The following BMPR1B variants were observed in gnomAD, a reference collection of about 807,000 sequenced individuals.
BMPR1B encodes bone morphogenetic protein receptor type 1B, also known as bone morphogenetic protein receptor type-1B.
A neutral mutation model predicts 59.1 loss-of-function variants in BMPR1B; 12 were observed. The ratio of observed to expected loss-of-function variants is 0.20; its 90% CI spans 0.13 to 0.33. The LOEUF (loss-of-function observed/expected upper bound fraction) is 0.33. BMPR1B is among the 10% of genes least tolerant of loss of function. The pLI, the probability that BMPR1B is intolerant of heterozygous loss-of-function variation, is 1.00. For missense variants in BMPR1B, 550 were observed against 610.9 expected (o/e 0.90, Z 1.05); for synonymous variants, 237 against 207.3 (o/e 1.14, Z -1.23).
At chr4:95,119,931 C>T (rs528984421) in intron 6 of BMPR1B, among the ~76,000 whole-genome samples, 1 of 152,068 alleles carries the variant, frequency 6.6e-6, no homozygotes, top group South Asian at 2.1e-4. Flanking sequence ...TTCATTTGTA[C>T]TTACAAGGGG....
At chr4:95,152,313 A>G (rs1228062696) in intron 11 of BMPR1B, among the ~76,000 whole-genome samples, 2 of 152,198 alleles carry the variant, frequency 1.3e-5, no homozygotes, top group African/African-American at 4.8e-5. Flanking sequence ...GCAGATTTGC[A>G]TTGAGATTTA....
At chr4:94,841,698 A>G (rs6851643) in intron 1 of BMPR1B, among the ~76,000 whole-genome samples, 95,793 of 151,936 alleles carry the variant, frequency 0.63, 31,661 homozygotes, top group African/African-American at 0.84. Context: ...CTCAGATGGA[A>G]ATGCAGAAAT....
chr4:94,861,376 A>C (rs920742526), intron 1 of BMPR1B, among the ~76,000 whole-genome samples: 1 of 152,228 alleles, frequency 6.6e-6, no homozygotes, highest in African/African-American at 2.4e-5. Context: ...AAGGCTGATT[A>C]GAATTTGCTA....
chr4:95,150,834 C>T (rs1734987276), intron 11 of BMPR1B, among the ~76,000 whole-genome samples: 1 of 152,050 alleles, frequency 6.6e-6, no homozygotes, highest in Non-Finnish European at 1.5e-5. Flanking sequence ...GGGCAAGTTA[C>T]TTAACCCCTG....
rs114942862 is a variant in BMPR1B, at chr4:95,103,437, T to C, written c.-17-971T>C. ...AATGTGTTATGAGAGAGATTTTAAATTGAAAACTGCTCACGGTGACAATTT... is the reference window on the plus strand; with the variant it reads ...AATGTGTTATGAGAGAGATTTTAAACTGAAAACTGCTCACGGTGACAATTT... On this transcript the variant is annotated intron_variant, in intron 3 of 12. Coordinates refer to ENST00000515059, the MANE Select transcript of BMPR1B (RefSeq NM_001203.3). 3,783 of 985,162 alleles carry C rather than the reference T, an allele frequency of 3.8e-3. 15 individuals are homozygous for C. The highest frequency in any genetic ancestry group is 4.4e-3 in the Non-Finnish European group (3,619 of 829,720). 61.0% of individuals were successfully genotyped at this position (985,162 alleles called of 1,614,324 possible).
intron 1 of BMPR1B, among the ~76,000 whole-genome samples, chr4:94,829,222 C>G (rs1195030441): frequency 6.6e-6 from 1 of 151,710 alleles, no homozygotes; most frequent in African/African-American, 2.4e-5. Context: ...GGGAGGCGTG[C>G]TTTTATCCTT....
chr4:95,006,474 G>A (rs927718849), intron 3 of BMPR1B, among the ~76,000 whole-genome samples: 4 of 149,860 alleles, frequency 2.7e-5, no homozygotes, highest in Admixed American at 2.7e-4. Flanking sequence ...GTTCAGGAAG[G>A]TTAAATGACA....
At chr4:94,835,784 G>C (rs1724784686) in intron 1 of BMPR1B, among the ~76,000 whole-genome samples, 1 of 152,000 alleles carries the variant, frequency 6.6e-6, no homozygotes, top group South Asian at 2.1e-4. Flanking sequence ...TATACTTTAA[G>C]TTTTAGGGTA....
intron 9 of BMPR1B, among the ~76,000 whole-genome samples, chr4:95,130,727 T>C (rs1432844745): frequency 2.2e-5 from 2 of 91,736 alleles, no homozygotes; most frequent in Non-Finnish European, 2.6e-5. Context: ...TCTTTTCTTT[T>C]TTTTTTTTTT....
chr4:95,132,107 C>T (rs997913010), intron 10 of BMPR1B, among the ~76,000 whole-genome samples: 1 of 152,114 alleles, frequency 6.6e-6, no homozygotes, highest in Non-Finnish European at 1.5e-5. Flanking sequence ...AGTTGGGACT[C>T]TATTTTGCTT....
At chr4:94,823,983 C>T (rs1232077245) in intron 1 of BMPR1B, among the ~76,000 whole-genome samples, 18 of 152,018 alleles carry the variant, frequency 1.2e-4, no homozygotes, top group Admixed American at 4.6e-4. Context: ...CCTGACCTTG[C>T]GATCCACCCG....
intron 1 of BMPR1B, among the ~76,000 whole-genome samples, chr4:94,791,654 C>G (rs1279915480): frequency 6.6e-6 from 1 of 152,068 alleles, no homozygotes; most frequent in Non-Finnish European, 1.5e-5. Flanking sequence ...ATTCTATACC[C>G]TCTTTTCTTA....
chr4:94,940,302 G>T (rs574754864), intron 2 of BMPR1B, among the ~76,000 whole-genome samples: 101 of 152,240 alleles, frequency 6.6e-4, no homozygotes, highest in African/African-American at 2.3e-3. Flanking sequence ...AACATTATGA[G>T]ATATTTTTGC....
intron 2 of BMPR1B, among the ~76,000 whole-genome samples, chr4:94,935,238 CTCTT>C (rs1440438677): frequency 2.0e-5 from 3 of 152,088 alleles, no homozygotes; most frequent in East Asian, 3.9e-4. Flanking sequence ...TTGAGTAAAT[CTCTT>C]TCTATTAGCC....
intron 1 of BMPR1B, among the ~76,000 whole-genome samples, chr4:94,808,884 A>G (rs1249913117): frequency 1.3e-5 from 2 of 152,058 alleles, no homozygotes; most frequent in Non-Finnish European, 2.9e-5. Context: ...GTGAAACTCC[A>G]TCTCTACTAA....
chr4:94,807,864 T>C (rs1723670193), intron 1 of BMPR1B, among the ~76,000 whole-genome samples: 1 of 152,138 alleles, frequency 6.6e-6, no homozygotes, highest in Non-Finnish European at 1.5e-5. Flanking sequence ...TTTGTTCTTT[T>C]AGTAGAGGCG....
At chr4:94,964,263 A>G (rs968218070) in intron 2 of BMPR1B, among the ~76,000 whole-genome samples, 1 of 152,156 alleles carries the variant, frequency 6.6e-6, no homozygotes, top group Non-Finnish European at 1.5e-5. Flanking sequence ...ATCACCTACA[A>G]ACAAAGATAA....
intron 6 of BMPR1B, among the ~76,000 whole-genome samples, chr4:95,118,577 G>C (rs28673450): frequency 0.017 from 2,618 of 152,138 alleles, 76 homozygotes; most frequent in African/African-American, 0.06. Flanking sequence ...ACCAGACTTC[G>C]CCCGGGAGTT....
chr4:94,768,270 T>G (rs1015700131), intron 1 of BMPR1B, among the ~76,000 whole-genome samples: 3 of 152,150 alleles, frequency 2.0e-5, no homozygotes, highest in African/African-American at 7.2e-5. Context: ...ATATTTTATA[T>G]GCTTGGTACA....
Sources: gnomAD v4.1 joint callset for allele counts (sites outside exome capture counted in the v4.1 genomes callset) on GRCh38, gnomAD v4.1.1 for gene constraint, MANE v1.5 for transcripts, NCBI Gene and HGNC (gene_info 2026-07-23, HGNC 2026-07-21) for gene names.